Variants in ARSF observed in about 807,000 individuals in gnomAD.
The protein encoded by ARSF is arylsulfatase F.
In ARSF, 33 loss-of-function variants were observed where a neutral mutation model predicts 35.4. That is an observed-to-expected ratio of 0.93 (90% CI 0.71 to 1.25). ARSF has a LOEUF of 1.25. Among genes scored for constraint, ARSF ranks in the 50% most tolerant of loss-of-function variants. The pLI, the probability that ARSF is intolerant of heterozygous loss-of-function variation, is 0.00. For synonymous variants in ARSF, 222 were observed against 193.1 expected, an observed-to-expected ratio of 1.15 and a Z score of -1.24; for missense variants, 501 against 480.2, an observed-to-expected ratio of 1.04 and a Z score of -0.40.
intron 1 of ARSF, among the ~76,000 whole-genome samples, chrX:3,065,261 G>T (rs747903828): frequency 1.6e-3 from 129 of 80,074 alleles, no homozygotes; most frequent in African/African-American, 5.8e-3. Context: ...CAGGGTGGGG[G>T]ACATCACACA....
At chrX:3,108,934 T>C (rs917009415) in intron 9 of ARSF, among the ~76,000 whole-genome samples, 4 of 111,177 alleles carry the variant, frequency 3.6e-5, no homozygotes, top group African/African-American at 1.3e-4. Flanking sequence ...GAGAATTGCT[T>C]GAACCTGGGA....
At chrX:3,064,506 T>G (rs1346495753) in intron 1 of ARSF, among the ~76,000 whole-genome samples, 1 of 110,742 alleles carries the variant, frequency 9.0e-6, no homozygotes, top group East Asian at 2.8e-4. Flanking sequence ...ACCATCAGAG[T>G]GAACAGGCAA....
intron 1 of ARSF, among the ~76,000 whole-genome samples, chrX:3,046,113 T>G (rs2089974474): frequency 9.0e-6 from 1 of 111,266 alleles, no homozygotes; most frequent in Non-Finnish European, 1.9e-5. Flanking sequence ...CTCGAACTCC[T>G]AACCTCAGAT....
Position 3,089,593 on chromosome X carries a change from T to C in ARSF, c.928T>C (p.Leu310=). The C allele has an allele frequency of 8.3e-7, 1 of 1,211,207 alleles. No individual in the cohort carries two copies. ...TTTCACTGGCACCAGCAAGCATGGC[T>C]TGTATGGGGATAATGTGGAAGAGAT... ...DDFTGTSKHG[L]YGDNVEEMDS... The change falls in exon 7 of 11, where the codon TTG becomes CTG. Residue 310 remains leucine (L), a synonymous_variant. Coordinates refer to ENST00000381127, the MANE Select transcript of ARSF (RefSeq NM_001201539.2).
Position 3,076,664 on chromosome X carries a change from G to A in ARSF, c.278G>A (p.Arg93Gln), listed in dbSNP as rs762741573. 6 of 1,208,859 alleles carry A rather than the reference G, an allele frequency of 5.0e-6. No individual in the cohort carries two copies. The highest frequency in any genetic ancestry group is 2.3e-4 in the Middle Eastern group (1 of 4,345). ...TTCTTGACGGGAAGATACCCCATCC[G>A]ATCAGGTGCGCAAACTGGCGGGCTC... ...SAFLTGRYPI[R>Q]SGMVSSGNRR... Residue 93 changes from arginine to glutamine, a missense_variant, in exon 4 of 11, where the codon CGA becomes CAA. Coordinates refer to ENST00000381127, the MANE Select transcript of ARSF (RefSeq NM_001201539.2).
chrX:3,084,651 T>A lies in ARSF; in HGVS notation c.815T>A (p.Ile272Asn), dbSNP rs1419419512. 6.0e-6 allele frequency: 7 copies of A among 1,162,263 alleles called. No individual in the cohort carries two copies. In the Admixed American group the frequency reaches 2.0e-4, roughly 33 times the overall value. Residue 272 changes from isoleucine (I) to asparagine (N), a missense_variant, in exon 6 of 11, where the codon ATT becomes AAT. Transcript: ENST00000381127. ...GGATCCATTATGGTGAAGGAAGCGA[T>A]TTCCTTTTTAGAAAGGTAAGCGGAA... ...RAGSIMVKEA[I>N]SFLERHSKET... is the part of the protein sequence containing the mutation.
chrX:3,070,848 T>G (rs949505892), intron 2 of ARSF, among the ~76,000 whole-genome samples: 1 of 111,323 alleles, frequency 9.0e-6, no homozygotes, highest in African/African-American at 3.3e-5. Flanking sequence ...ATTCCTGAGT[T>G]ACTTCACTTA....
At chrX:3,075,811 C>G (rs145702131) in intron 3 of ARSF, among the ~76,000 whole-genome samples, 55 of 108,267 alleles carry the variant, frequency 5.1e-4, no homozygotes, top group African/African-American at 1.8e-3. Context: ...GTGTCTTTCT[C>G]TCTTTCCTTC....
At chrX:3,077,500 A>C (rs1359312783) in intron 4 of ARSF, among the ~76,000 whole-genome samples, 7 of 109,225 alleles carry the variant, frequency 6.4e-5, no homozygotes, top group Middle Eastern at 4.7e-3. Context: ...TTAGCCGGAC[A>C]TGGGGGCATG....
chrX:3,043,938 A>G (rs1360614972), intron 1 of ARSF, among the ~76,000 whole-genome samples: 1 of 110,485 alleles, frequency 9.1e-6, no homozygotes, highest in East Asian at 2.9e-4. Flanking sequence ...GGTGCATACT[A>G]TCTCGCCCAG....
chrX:3,103,652 C>A, intron 8 of ARSF, 110 bp from the exon 9 acceptor site: 1 of 913,882 alleles, frequency 1.1e-6, no homozygotes, highest in Non-Finnish European at 1.5e-6. Flanking sequence ...ATAGAGTAGA[C>A]ACTATACAAA....
chrX:3,101,506 T>C (rs1569147349), intron 8 of ARSF, among the ~76,000 whole-genome samples: 1 of 111,420 alleles, frequency 9.0e-6, no homozygotes, highest in Non-Finnish European at 1.9e-5. Context: ...GATGCTTTTA[T>C]GGGGTCTTTA....
intron 1 of ARSF, 35 bp from the exon 2 acceptor site, chrX:3,068,038 G>A: frequency 2.6e-6 from 2 of 777,646 alleles, no homozygotes; most frequent in Non-Finnish European, 1.7e-6. Flanking sequence ...TTTTTTTTTT[G>A]GTCTTTTAAA....
intron 1 of ARSF, among the ~76,000 whole-genome samples, chrX:3,044,692 G>A (rs1052496336): frequency 1.8e-4 from 20 of 109,986 alleles, no homozygotes; most frequent in African/African-American, 5.9e-4. Flanking sequence ...CCAATGCTCA[G>A]TTACTTCTCT....
At chrX:3,072,290 G>T in intron 3 of ARSF, 115 bp downstream of exon 3, 2 of 774,954 alleles carry the variant, frequency 2.6e-6, no homozygotes, top group Non-Finnish European at 3.6e-6. Context: ...TTTTTTTTAA[G>T]TTACTTTAAA....
At chrX:3,074,535 T>C (rs1603464444) in intron 3 of ARSF, among the ~76,000 whole-genome samples, 1 of 111,398 alleles carries the variant, frequency 9.0e-6, no homozygotes, top group Non-Finnish European at 1.9e-5. Flanking sequence ...AATCTCTTGT[T>C]AAATTATTTT....
intron 1 of ARSF, among the ~76,000 whole-genome samples, chrX:3,054,943 G>A (rs868567049): frequency 5.3e-5 from 5 of 94,899 alleles, no homozygotes; most frequent in African/African-American, 2.4e-4. Flanking sequence ...CCATATTGGT[G>A]GGCTGGTCTT....
At chrX:3,045,554 C>CTTT (rs780857677) in intron 1 of ARSF, among the ~76,000 whole-genome samples, 1 of 89,912 alleles carries the variant, frequency 1.1e-5, no homozygotes, top group Non-Finnish European at 2.3e-5. Flanking sequence ...CTGGGCTAAT[C>CTTT]TTTTTTTTTT....
At chrX:3,058,960 T>C (rs2090030420) in intron 1 of ARSF, among the ~76,000 whole-genome samples, 1 of 111,955 alleles carries the variant, frequency 8.9e-6, no homozygotes, top group African/African-American at 3.2e-5. Flanking sequence ...TGATTATAAG[T>C]AGGGATTCTG....
Sources: allele counts gnomAD v4.1 joint callset (sites outside exome capture counted in the v4.1 genomes callset), GRCh38; gene constraint gnomAD v4.1.1; transcripts MANE v1.5; gene names NCBI Gene and HGNC (gene_info 2026-07-23, HGNC 2026-07-21).